The following PGAP1 variants were observed in gnomAD, a reference collection of about 807,000 sequenced individuals.
PGAP1 encodes GPI inositol-deacylase.
PGAP1 carries 76 observed loss-of-function variants against 127.0 expected under a neutral mutation model. The ratio of observed to expected loss-of-function variants is 0.60; its 90% confidence interval spans 0.50 to 0.72. The LOEUF is 0.72. Among genes scored for constraint, PGAP1 ranks in the 30% least tolerant of loss-of-function variants. The probability of loss-of-function intolerance (pLI) is 0.00; values close to 1 mark genes in which losing one functional copy is unlikely to be tolerated. For synonymous variants in PGAP1, 362 were observed against 366.5 expected, an observed-to-expected ratio of 0.99 and a Z score of 0.14; for missense variants, 982 against 1,071.3, an observed-to-expected ratio of 0.92 and a Z score of 1.16.
Position 196,912,885 on chromosome 2 carries a change from T to C in PGAP1, c.646A>G (p.Thr216Ala). 2 of 1,607,372 alleles carry C rather than the reference T, an allele frequency of 1.2e-6. No individual in the cohort carries two copies. Among genetic ancestry groups the C allele is most frequent in the South Asian group, 1.1e-5 (1 of 89,396 alleles). The change falls in exon 4 of 27, where the codon ACA becomes GCA. Residue 216 changes from threonine (T) to alanine (A), a missense_variant. Thr to Ala is a moderately conservative substitution (Grantham distance 58). Transcript: ENST00000354764. ...APVMPLDRFI[T>A]DFYTTVNNYW... ...ATGTTCATGTAACAGTACTCACCTG[T>C]AATGAAACGATCTAATGGCATCACA...
chr2:196,848,497 T>C (rs1700623283), intron 20 of PGAP1, among the ~76,000 whole-genome samples: 2 of 152,136 alleles, frequency 1.3e-5, no homozygotes, highest in African/African-American at 2.4e-5. Context: ...CAACCAGTAA[T>C]CTACTTTCCT....
At chr2:196,854,036 G>A (rs895136101) in intron 20 of PGAP1, among the ~76,000 whole-genome samples, 1 of 151,014 alleles carries the variant, frequency 6.6e-6, no homozygotes, top group African/African-American at 2.4e-5. Flanking sequence ...GACTACAGGT[G>A]TATGTACGCC....
At chr2:196,886,918 C>T (rs1024949748) in intron 10 of PGAP1, among the ~76,000 whole-genome samples, 2 of 151,828 alleles carry the variant, frequency 1.3e-5, no homozygotes, top group East Asian at 1.9e-4. Context: ...GGATGGTCTC[C>T]ATCTCTTGAC....
chr2:196,861,389 A>C (rs1269850560), intron 20 of PGAP1, among the ~76,000 whole-genome samples: 1 of 152,238 alleles, frequency 6.6e-6, no homozygotes, highest in Non-Finnish European at 1.5e-5. Context: ...AGATAAGCCA[A>C]AGACTGGGAA....
At chr2:196,846,740 A>G (rs1396923191) in intron 22 of PGAP1, among the ~76,000 whole-genome samples, 1 of 152,190 alleles carries the variant, frequency 6.6e-6, no homozygotes, top group Non-Finnish European at 1.5e-5. Flanking sequence ...ATTCACAACC[A>G]CGAAATGTAA....
chr2:196,904,559 A>AAC (rs922074229), intron 4 of PGAP1, among the ~76,000 whole-genome samples: 3 of 151,986 alleles, frequency 2.0e-5, no homozygotes, highest in Non-Finnish European at 4.4e-5. Context: ...AACATGGTGA[A>AAC]ACACTGTCTC....
At chr2:196,911,759 CT>C (rs963160697) in intron 4 of PGAP1, among the ~76,000 whole-genome samples, 1 of 151,786 alleles carries the variant, frequency 6.6e-6, no homozygotes, top group South Asian at 2.1e-4. Context: ...TAATCTCTGG[CT>C]TTTTTTAACA....
chr2:196,867,659 T>C (rs1455575313), intron 19 of PGAP1, among the ~76,000 whole-genome samples: 1 of 152,198 alleles, frequency 6.6e-6, no homozygotes, highest in Non-Finnish European at 1.5e-5. Context: ...TAATGTCACA[T>C]TATTAAAAGT....
intron 23 of PGAP1, among the ~76,000 whole-genome samples, chr2:196,845,302 G>C (rs1054132070): frequency 6.7e-6 from 1 of 150,302 alleles, no homozygotes; most frequent in Non-Finnish European, 1.5e-5. Flanking sequence ...GATGTCAACT[G>C]TCTGTTCCTA....
At chr2:196,877,194 A>C (rs1054959979) in intron 13 of PGAP1, among the ~76,000 whole-genome samples, 1 of 152,130 alleles carries the variant, frequency 6.6e-6, no homozygotes, top group African/African-American at 2.4e-5. Context: ...ACGATAAGTA[A>C]ATTTCTAATG....
intron 4 of PGAP1, among the ~76,000 whole-genome samples, chr2:196,903,485 C>T (rs569210385): frequency 1.5e-4 from 23 of 149,784 alleles, no homozygotes; most frequent in South Asian, 2.1e-4. Context: ...CGCTTGAACC[C>T]GGGAGGCAGA....
intron 10 of PGAP1, among the ~76,000 whole-genome samples, chr2:196,888,501 T>C (rs1701991038): frequency 1.3e-5 from 2 of 152,122 alleles, no homozygotes; most frequent in South Asian, 4.1e-4. Flanking sequence ...ACTACCAGTT[T>C]ACAGAAAACA....
At chr2:196,870,616 AATATT>A (rs1287751901) in intron 19 of PGAP1, among the ~76,000 whole-genome samples, 1 of 152,140 alleles carries the variant, frequency 6.6e-6, no homozygotes, top group East Asian at 1.9e-4. Context: ...TTTAGGCAAA[AATATT>A]AATTTGTTTG....
intron 2 of PGAP1, 53 bp from the exon 3 acceptor site, chr2:196,916,646 C>T (rs1703019747): frequency 6.8e-7 from 1 of 1,470,524 alleles, no homozygotes; most frequent in South Asian, 1.4e-5. Context: ...AGGTTTCATC[C>T]ATTCTTTCTT....
chr2:196,905,691 A>G (rs9967904), intron 4 of PGAP1, among the ~76,000 whole-genome samples: 1,677 of 150,922 alleles, frequency 0.011, 23 homozygotes, highest in African/African-American at 0.034. Context: ...CTGAGGTACC[A>G]GGTTCATCTC....
rs762647221 is a variant in PGAP1 at position 196,902,639 on chromosome 2, T to C, written c.753A>G (p.Ser251=). 6.2e-6 allele frequency: 10 copies of C among 1,613,746 alleles called. No individual in the cohort carries two copies. Among genetic ancestry groups the C allele is most frequent in the Non-Finnish European group, 7.6e-6 (9 of 1,179,838 alleles). The change falls in exon 5 of 27, where the codon TCA becomes TCG. Residue 251 remains serine, a synonymous_variant. Coordinates refer to ENST00000354764, the MANE Select transcript of PGAP1 (RefSeq NM_024989.4). ...TTAATTTTGGTAGAAAAGTCAATCC[T>C]GAACGAACTTGGTAATCCCGGAATC... is the stretch of plus-strand genomic sequence containing the variant. ...AGGFRDYQVR[S]GLTFLPKLSH... is the part of the protein sequence containing the mutation.
chr2:196,869,182 T>C (rs760147732), intron 19 of PGAP1, among the ~76,000 whole-genome samples: 1 of 152,206 alleles, frequency 6.6e-6, no homozygotes, highest in Non-Finnish European at 1.5e-5. Flanking sequence ...TCAAGCTGAC[T>C]TGACTTTTCT....
At chr2:196,890,242 C>CTAATATCATAA (rs1339858629) in intron 10 of PGAP1, among the ~76,000 whole-genome samples, 2 of 152,082 alleles carry the variant, frequency 1.3e-5, no homozygotes, top group Non-Finnish European at 2.9e-5. Context: ...GCTTCCATTC[C>CTAATATCATAA]TAATATCATA....
intron 20 of PGAP1, among the ~76,000 whole-genome samples, chr2:196,852,699 G>C (rs1253252985): frequency 6.6e-6 from 1 of 152,096 alleles, no homozygotes; most frequent in Non-Finnish European, 1.5e-5. Flanking sequence ...GTAAGAGAGA[G>C]ATGTGAATAA....
Sources: gnomAD v4.1 joint callset for allele counts (sites outside exome capture counted in the v4.1 genomes callset) on GRCh38, gnomAD v4.1.1 for gene constraint, MANE v1.5 for transcripts, NCBI Gene and HGNC (gene_info 2026-07-23, HGNC 2026-07-21) for gene names.